The following TNFSF8 variants were observed in gnomAD, a reference collection of about 807,000 sequenced individuals.
TNFSF8 encodes TNF superfamily member 8.
In TNFSF8, 4 loss-of-function variants were observed where a neutral mutation model predicts 22.0. The ratio of observed to expected loss-of-function variants is 0.18; its 90% confidence interval spans 0.09 to 0.42. TNFSF8 has a LOEUF of 0.42. Among genes scored for constraint, TNFSF8 ranks in the 10% least tolerant of loss-of-function variants. The probability of loss-of-function intolerance (pLI) is 1.00; values close to 1 mark genes in which losing one functional copy is unlikely to be tolerated. For synonymous variants in TNFSF8, 106 were observed against 112.5 expected (o/e 0.94, Z 0.37); for missense variants, 233 against 281.8 (o/e 0.83, Z 1.24).
intron 2 of TNFSF8, among the ~76,000 whole-genome samples, chr9:114,907,563 A>G (rs2131342501): frequency 6.6e-6 from 1 of 152,300 alleles, no homozygotes; most frequent in Non-Finnish European, 1.5e-5. Flanking sequence ...CTGCAGGATC[A>G]GGCCCAAGCT....
At chr9:114,919,243 C>T (rs7871914) in intron 1 of TNFSF8, among the ~76,000 whole-genome samples, 31,860 of 151,834 alleles carry the variant, frequency 0.21, 7,174 homozygotes, top group African/African-American at 0.56. Flanking sequence ...ATGTAGTATA[C>T]ATACAAATGC....
chr9:114,910,586 T>C (rs1827840753), intron 2 of TNFSF8, among the ~76,000 whole-genome samples: 1 of 152,156 alleles, frequency 6.6e-6, no homozygotes, highest in South Asian at 2.1e-4. Context: ...AACTGAAAAC[T>C]GACAAGACAG....
At chr9:114,924,085 A>C (rs1319513551) in intron 1 of TNFSF8, among the ~76,000 whole-genome samples, 1 of 152,220 alleles carries the variant, frequency 6.6e-6, no homozygotes, top group Admixed American at 6.5e-5. Flanking sequence ...ACCCTTTAAA[A>C]AAAGGTCAAT....
At chr9:114,897,931 C>T (rs571612532), downstream of TNFSF8, among the ~76,000 whole-genome samples, 1 of 152,146 alleles carries the variant, frequency 6.6e-6, no homozygotes, top group South Asian at 2.1e-4. Flanking sequence ...CGTCCATTGA[C>T]TGTGACATTG....
chr9:114,902,862 G>T lies in TNFSF8; in HGVS notation c.*1069C>A. The T allele has an allele frequency of 1.5e-6, 1 of 671,306 alleles. No homozygotes were observed. The highest frequency in any genetic ancestry group is 1.8e-6 in the Non-Finnish European group (1 of 543,128). The allele number at this position is 671,306 out of a possible 1,614,324, so 41.6% of individuals were successfully genotyped here. On this transcript the variant is annotated 3_prime_UTR_variant, in exon 4 of 4. Coordinates refer to ENST00000223795, the MANE Select transcript of TNFSF8 (RefSeq NM_001244.4). ...GTATAGTGAATTCTTATAATTTTAT[G>T]TTGCCTTGGCAACCATTTTGTATAC...
At chr9:114,915,298 T>C (rs1466174548) in intron 2 of TNFSF8, among the ~76,000 whole-genome samples, 1 of 152,174 alleles carries the variant, frequency 6.6e-6, no homozygotes, top group African/African-American at 2.4e-5. Flanking sequence ...AAAAGAATTA[T>C]AGTCTCATAA....
chr9:114,913,737 A>C (rs1021974124), intron 2 of TNFSF8, among the ~76,000 whole-genome samples: 2 of 152,190 alleles, frequency 1.3e-5, no homozygotes, highest in Non-Finnish European at 2.9e-5. Context: ...GCAAGGCAAC[A>C]AGCCTGTCTG....
At chr9:114,896,461 T>C (rs535675452), downstream of TNFSF8, among the ~76,000 whole-genome samples, 8 of 152,326 alleles carry the variant, frequency 5.3e-5, no homozygotes, top group South Asian at 6.2e-4. Context: ...ATTTAAACTT[T>C]CTAGTGTATT....
At chr9:114,923,809 C>T (rs1055485522) in intron 1 of TNFSF8, among the ~76,000 whole-genome samples, 6 of 152,128 alleles carry the variant, frequency 3.9e-5, no homozygotes, top group Admixed American at 3.9e-4. Flanking sequence ...TGAGCCACTG[C>T]TCCTGGCCAG....
chr9:114,917,518 A>G (rs1004072959), intron 2 of TNFSF8, among the ~76,000 whole-genome samples: 3 of 152,206 alleles, frequency 2.0e-5, no homozygotes, highest in Non-Finnish European at 4.4e-5. Flanking sequence ...AGGCTAGTAG[A>G]GACGACGTGT....
exon 5 of TNFSF8, chr9:114,893,787 T>G (rs1827628769): frequency 1.9e-5 from 6 of 323,940 alleles, no homozygotes; most frequent in Non-Finnish European, 3.5e-5. Flanking sequence ...GGAATTGATG[T>G]TCACACAGTC....
chr9:114,898,006 A>ATT (rs34397268), downstream of TNFSF8, among the ~76,000 whole-genome samples: 9 of 144,718 alleles, frequency 6.2e-5, no homozygotes, highest in Non-Finnish European at 1.1e-4. Context: ...AATGATGCCT[A>ATT]TTTTTTTTTT....
At chr9:114,929,805 TA>T (rs996577815) in intron 1 of TNFSF8, among the ~76,000 whole-genome samples, 26 of 151,282 alleles carry the variant, frequency 1.7e-4, no homozygotes, top group Non-Finnish European at 3.1e-4. Flanking sequence ...GATGATGGTC[TA>T]ACAATATTTT....
At chr9:114,917,396 C>G (rs977618463) in intron 2 of TNFSF8, among the ~76,000 whole-genome samples, 1 of 152,206 alleles carries the variant, frequency 6.6e-6, no homozygotes, top group African/African-American at 2.4e-5. Flanking sequence ...AGATACTTCA[C>G]TTTCCCTCTC....
At chr9:114,916,044 A>G (rs1254646442) in intron 2 of TNFSF8, among the ~76,000 whole-genome samples, 1 of 152,208 alleles carries the variant, frequency 6.6e-6, no homozygotes, top group Non-Finnish European at 1.5e-5. Flanking sequence ...TTCTCCCCAG[A>G]ATGAAAATTC....
intron 1 of TNFSF8, among the ~76,000 whole-genome samples, chr9:114,923,522 C>CTTTCTTTT (rs758823996): frequency 6.7e-5 from 6 of 89,768 alleles, no homozygotes; most frequent in South Asian, 3.7e-4. Context: ...TTCTTTCTTT[C>CTTTCTTTT]TTTTTTTTTT....
At position 114,930,461 on chromosome 9, in the gene TNFSF8, G is replaced by C; in HGVS notation, c.-158C>G. 1 of 520,342 alleles carries C rather than the reference G, an allele frequency of 1.9e-6. No individual in the cohort carries two copies. The allele number at this position is 520,342 out of a possible 1,614,324, so 32.2% of individuals were successfully genotyped here. On this transcript the variant is annotated 5_prime_UTR_variant, in exon 1 of 4. Transcript: ENST00000223795. ...TGCCTGGTGGAGAAACTCTTCTCTG[G>C]GGGCGTGAGGCGAGAGGCGGCAGCA... is the stretch of plus-strand genomic sequence containing the variant.
chr9:114,902,602 T>A lies in TNFSF8; in HGVS notation c.*1329A>T. 3.0e-6 allele frequency: 3 copies of A among 985,426 alleles called. No individual in the cohort carries two copies. The highest frequency in any genetic ancestry group is 3.6e-6 in the Non-Finnish European group (3 of 829,936). 61.0% of individuals were successfully genotyped at this position (985,426 alleles called of 1,614,324 possible). On this transcript the variant is annotated 3_prime_UTR_variant, in exon 4 of 4. Coordinates refer to ENST00000223795, the MANE Select transcript of TNFSF8 (RefSeq NM_001244.4). Reference sequence around the variant, plus strand: ...GTTCACACCATTCAGCAGGGCACCCTGAACCTTGTCCCCATATTCTGGCTC... The same window carrying A: ...GTTCACACCATTCAGCAGGGCACCCAGAACCTTGTCCCCATATTCTGGCTC...
At chr9:114,929,555 T>C (rs1289156310) in intron 1 of TNFSF8, among the ~76,000 whole-genome samples, 1 of 152,044 alleles carries the variant, frequency 6.6e-6, no homozygotes, top group Non-Finnish European at 1.5e-5. Context: ...AAAACAAAAC[T>C]CTTGGCAATG....
Sources: allele counts gnomAD v4.1 joint callset (sites outside exome capture counted in the v4.1 genomes callset), GRCh38; gene constraint gnomAD v4.1.1; transcripts MANE v1.5; gene names NCBI Gene and HGNC (gene_info 2026-07-23, HGNC 2026-07-21).